Variants in TMEM178A observed in about 807,000 individuals in gnomAD.
TMEM178A encodes transmembrane protein 178A.
In TMEM178A, 12 loss-of-function variants were observed where a neutral mutation model predicts 29.1. The observed-to-expected ratio is 0.41, with a 90% CI of 0.26 to 0.67. TMEM178A has a LOEUF of 0.67. Among genes scored for constraint, TMEM178A ranks in the 30% least tolerant of loss-of-function variants. TMEM178A has a pLI of 0.29. For synonymous variants in TMEM178A, 210 were observed against 187.2 expected (o/e 1.12, Z -0.99); for missense variants, 366 against 419.1 (o/e 0.87, Z 1.11).
At chr2:39,681,094 C>T (rs749432128) in intron 1 of TMEM178A, among the ~76,000 whole-genome samples, 33 of 152,166 alleles carry the variant, frequency 2.2e-4, no homozygotes, top group Middle Eastern at 6.8e-3. Context: ...GAAATTTGAA[C>T]ATGACATGAC....
intron 1 of TMEM178A, among the ~76,000 whole-genome samples, chr2:39,677,472 T>C (rs1035939033): frequency 6.6e-6 from 1 of 152,120 alleles, no homozygotes; most frequent in Non-Finnish European, 1.5e-5. Context: ...GTGTTGATAG[T>C]GGCGCGTGTT....
At position 39,710,717 on chromosome 2, in the gene TMEM178A, G is replaced by A. The variant is rs148454055; in HGVS notation, c.652+3531G>A. On this transcript the variant is annotated intron_variant, in intron 3 of 3. Coordinates refer to ENST00000281961, the MANE Select transcript of TMEM178A (RefSeq NM_152390.3). ...GAGCAAAAAAAGGGTTAAAAGAATC[G>A]ATTTTAATTAAGCAGAATGTCTTTA... is the stretch of plus-strand genomic sequence containing the variant. Among the ~76,000 whole-genome samples, 597 of 152,286 alleles carry A rather than the reference G, an allele frequency of 3.9e-3. 11 individuals carry two copies. Among genetic ancestry groups the A allele is most frequent in the Admixed American group, 0.03 (466 of 15,304 alleles).
At chr2:39,679,197 C>A (rs146528811) in intron 1 of TMEM178A, among the ~76,000 whole-genome samples, 1 of 152,276 alleles carries the variant, frequency 6.6e-6, no homozygotes, top group East Asian at 1.9e-4. Context: ...GGGCACATGG[C>A]GATCTGCCAT....
chr2:39,719,968 C>G (rs1044822586), downstream of TMEM178A, among the ~76,000 whole-genome samples: 2 of 151,956 alleles, frequency 1.3e-5, no homozygotes, highest in South Asian at 2.1e-4. Context: ...ATTAATGAAG[C>G]AAAACAGACA....
Position 39,707,028 on chromosome 2 carries a change from C to A in TMEM178A, c.515-21C>A, listed in dbSNP as rs1043624823. On this transcript the variant is annotated intron_variant, in intron 2 of 3. Coordinates refer to ENST00000281961, the MANE Select transcript of TMEM178A (RefSeq NM_152390.3). ...TTTCCTGAATTCTGATTGTGAATGTCTGTGTCTGTTTTGAGATTAGATTTA... is the reference window on the plus strand; with the variant it reads ...TTTCCTGAATTCTGATTGTGAATGTATGTGTCTGTTTTGAGATTAGATTTA... 7 of 1,588,312 alleles carry A rather than the reference C, an allele frequency of 4.4e-6. No homozygotes were observed. The African/African-American group carries it at 6.8e-5, about 15-fold the overall frequency.
At chr2:39,677,918 A>G (rs879454992) in intron 1 of TMEM178A, among the ~76,000 whole-genome samples, 1 of 152,098 alleles carries the variant, frequency 6.6e-6, no homozygotes, top group Admixed American at 6.6e-5. Context: ...GGGTGGGCAT[A>G]TATTTGGACC....
In TMEM178A at chr2:39,666,277, C is replaced by T. The variant is rs1352479537; in HGVS notation, c.303C>T (p.Ala101=). ...RSLLGLGGLD[A]ECGRPLFATY... Reference sequence around the variant, plus strand: ...TCCTGGGGCTCGGCGGGCTGGACGCCGAGTGCGGCCGGCCCCTCTTCGCCA... The same window carrying T: ...TCCTGGGGCTCGGCGGGCTGGACGCTGAGTGCGGCCGGCCCCTCTTCGCCA... Residue 101 remains alanine (A), a synonymous_variant, in exon 1 of 4, where the codon GCC becomes GCT. Transcript: ENST00000281961. 3 of 1,396,464 alleles carry T rather than the reference C, an allele frequency of 2.1e-6. No individual in the cohort carries two copies. The highest frequency in any genetic ancestry group is 6.4e-5 in the East Asian group (2 of 31,260). 86.5% of individuals were successfully genotyped at this position (1,396,464 alleles called of 1,614,324 possible).
rs544638563 is a variant in TMEM178A, at chr2:39,676,400, G to A, written c.400+10026G>A. 2.3e-3 allele frequency among the ~76,000 whole-genome samples: 355 copies of A among 152,298 alleles called. 1 individual carries two copies. The highest frequency in any genetic ancestry group is 4.0e-3 in the Non-Finnish European group (269 of 68,032). ...CTCTACCTGGTCATGACAGTTCTGT[G>A]AGTTGCTAGTTGTGAATTCTGTGAG... On this transcript the variant is annotated intron_variant, in intron 1 of 3. Transcript: ENST00000281961.
chr2:39,712,911 A>G (rs2148116320), intron 3 of TMEM178A, among the ~76,000 whole-genome samples: 1 of 152,390 alleles, frequency 6.6e-6, no homozygotes, highest in South Asian at 2.1e-4. Context: ...AAAATGCAGC[A>G]TTATCAGAAA....
At chr2:39,669,714 C>T (rs935663434) in intron 1 of TMEM178A, among the ~76,000 whole-genome samples, 1 of 152,272 alleles carries the variant, frequency 6.6e-6, no homozygotes, top group East Asian at 1.9e-4. Context: ...AAAATATTTG[C>T]CAGCATAGTT....
the TMEM178A span, among the ~76,000 whole-genome samples, chr2:39,729,864 C>A: frequency 6.6e-6 from 1 of 152,138 alleles, no homozygotes; most frequent in Non-Finnish European, 1.5e-5. Flanking sequence ...TTCAGAGGGG[C>A]CCTACAGGAT....
chr2:39,673,389 C>A (rs1426085036), intron 1 of TMEM178A, among the ~76,000 whole-genome samples: 1 of 152,220 alleles, frequency 6.6e-6, no homozygotes, highest in Non-Finnish European at 1.5e-5. Flanking sequence ...TTTCTGTTAT[C>A]TTTAATTACT....
At chr2:39,724,426 GA>G in the TMEM178A span, among the ~76,000 whole-genome samples, 2 of 152,142 alleles carry the variant, frequency 1.3e-5, no homozygotes, top group Non-Finnish European at 2.9e-5. Flanking sequence ...TAAGAAGCCT[GA>G]AAATCACTTT....
intron 1 of TMEM178A, among the ~76,000 whole-genome samples, chr2:39,700,452 G>A (rs954536490): frequency 1.3e-5 from 2 of 151,686 alleles, no homozygotes; most frequent in South Asian, 2.1e-4. Flanking sequence ...AACAATTTTT[G>A]TCTTAAATTC....
At chr2:39,701,021 C>T (rs1476141030) in intron 1 of TMEM178A, among the ~76,000 whole-genome samples, 1 of 151,998 alleles carries the variant, frequency 6.6e-6, no homozygotes, top group African/African-American at 2.4e-5. Context: ...ACACTGTATG[C>T]TGATCAACAG....
At chr2:39,699,352 T>C (rs949087734) in intron 1 of TMEM178A, among the ~76,000 whole-genome samples, 18 of 152,178 alleles carry the variant, frequency 1.2e-4, no homozygotes, top group African/African-American at 4.3e-4. Context: ...TTTAATTCTT[T>C]ATTTTATGTA....
intron 1 of TMEM178A, among the ~76,000 whole-genome samples, chr2:39,671,642 T>A (rs1338676083): frequency 1.3e-5 from 2 of 152,240 alleles, no homozygotes; most frequent in African/African-American, 4.8e-5. Context: ...TTTTAAATTA[T>A]GTGCATGGAC....
At chr2:39,683,355 C>G (rs546119085) in intron 1 of TMEM178A, among the ~76,000 whole-genome samples, 91 of 152,266 alleles carry the variant, frequency 6.0e-4, no homozygotes, top group African/African-American at 2.1e-3. Flanking sequence ...CTGGGTTTCT[C>G]TAAGCTTTTC....
intron 2 of TMEM178A, among the ~76,000 whole-genome samples, chr2:39,704,561 C>T (rs763599679): frequency 2.0e-4 from 30 of 152,054 alleles, no homozygotes; most frequent in Non-Finnish European, 3.2e-4. Context: ...TTTGTATATA[C>T]AATATTTATT....
Sources: gnomAD v4.1 joint callset for allele counts (sites outside exome capture counted in the v4.1 genomes callset) on GRCh38, gnomAD v4.1.1 for gene constraint, MANE v1.5 for transcripts, NCBI Gene and HGNC (gene_info 2026-07-23, HGNC 2026-07-21) for gene names.